HIPK2: variants seen among roughly 807,000 people sequenced by gnomAD.
HIPK2 encodes homeodomain interacting protein kinase 2.
HIPK2 carries 27 observed loss-of-function variants against 113.7 expected under a neutral mutation model. That is an observed-to-expected ratio of 0.24 (90% CI 0.17 to 0.33). HIPK2 has a LOEUF of 0.33. Among genes scored for constraint, HIPK2 ranks in the 10% least tolerant of loss-of-function variants. The probability of loss-of-function intolerance (pLI) is 1.00; values close to 1 mark genes in which losing one functional copy is unlikely to be tolerated. For synonymous variants in HIPK2, 631 were observed against 642.2 expected (o/e 0.98, Z 0.26); for missense variants, 1,257 against 1,588.0 (o/e 0.79, Z 3.54).
intron 7 of HIPK2, among the ~76,000 whole-genome samples, chr7:139,615,091 GGGA>G (rs1799990524): frequency 6.6e-6 from 1 of 152,206 alleles, no homozygotes; most frequent in African/African-American, 2.4e-5. Flanking sequence ...GTCCACATGT[GGGA>G]GGACAAATCC....
Position 139,584,060 on chromosome 7 carries a change from C to T in HIPK2, c.2722G>A (p.Val908Ile). The change falls in exon 13 of 15, where the codon GTC (valine) becomes ATC (isoleucine). Residue 908 changes from valine (V) to isoleucine (I), a missense_variant. Physicochemically the swap from Val to Ile is conservative, Grantham distance 29. Around this residue, in one of 5 missense-constraint regions of HIPK2, gnomAD observed 862 missense variants for 1,004.3 expected, o/e 0.86. Transcript: ENST00000406875. ...ATGACGTTTTTTCTTTGCTTGGAGACAGTGCTGAAAATGCAAAGGGAGAAG... is the reference window on the plus strand; with the variant it reads ...ATGACGTTTTTTCTTTGCTTGGAGATAGTGCTGAAAATGCAAAGGGAGAAG... ...EEQKHAPTST[V>I]SKQRKNVISC... The T allele has an allele frequency of 1.3e-6, 2 of 1,582,508 alleles. No individual in the cohort carries two copies. The highest frequency in any genetic ancestry group is 1.7e-6 in the Non-Finnish European group (2 of 1,162,150).
At chr7:139,606,670 C>A (rs1799627144) in intron 9 of HIPK2, among the ~76,000 whole-genome samples, 2 of 152,222 alleles carry the variant, frequency 1.3e-5, no homozygotes, top group African/African-American at 2.4e-5. Flanking sequence ...AGACAATTCT[C>A]TCTAGGGGAA....
intron 1 of HIPK2, among the ~76,000 whole-genome samples, chr7:139,763,475 C>G (rs1428091130): frequency 1.7e-5 from 2 of 120,560 alleles, no homozygotes; most frequent in East Asian, 2.4e-4. Context: ...GGAACACGCC[C>G]CCCCCCCCAC....
intron 1 of HIPK2, chr7:139,722,082 A>G (rs752716026): frequency 4.6e-5 from 21 of 452,480 alleles, no homozygotes; most frequent in African/African-American, 4.0e-4. Context: ...GGGTTCTTAC[A>G]TGCTTGTTAA....
At chr7:139,634,026 C>A (rs1247817505) in intron 2 of HIPK2, among the ~76,000 whole-genome samples, 1 of 151,228 alleles carries the variant, frequency 6.6e-6, no homozygotes. Context: ...GGGAGGACTG[C>A]TTGAGCCCAG....
In HIPK2 at chr7:139,613,350, AG is replaced by A. The variant is rs3841339; in HGVS notation, c.1991-28del. 2.0e-3 allele frequency: 3,195 copies of A among 1,611,522 alleles called. 85 individuals are homozygous for A. The East Asian group carries it at 0.056, about 28-fold the overall frequency. ...TGTTCCAGACAGTGTGAGGGAGAGA[AG>A]GGTTAGCTGAGACGCTGTGAACAGC... On this transcript the variant is annotated intron_variant, in intron 8 of 14. Transcript: ENST00000406875. The surrounding 1 kb of genome is among the most constrained non-coding windows in gnomAD (Gnocchi z 4.2).
chr7:139,575,400 G>T (rs923462484), intron 13 of HIPK2, 112 bp from the exon 14 acceptor site: 2 of 1,275,674 alleles, frequency 1.6e-6, no homozygotes, highest in Non-Finnish European at 2.1e-6. Context: ...GCCTGAGGCC[G>T]GGCAGTAACA....
At position 139,614,454 on chromosome 7, in the gene HIPK2, G is replaced by C. The variant is rs753260718; in HGVS notation, c.1822C>G (p.Pro608Ala). The C allele has an allele frequency of 6.7e-7, 1 of 1,493,184 alleles. No individual in the cohort carries two copies. The highest frequency in any genetic ancestry group is 1.3e-5 in the South Asian group (1 of 74,204). The allele number at this position is 1,493,184 out of a possible 1,614,324, so 92.5% of individuals were successfully genotyped here. ...GGGTAGTTTAGTATGGAGACTTCGG[G>C]ATTGGCTAAGGAAATAGTGGCACTG... ...STSATISLAN[P>A]EVSILNYPST... The change falls in exon 8 of 15, where the codon CCC becomes GCC. Residue 608 changes from proline to alanine, a missense_variant. By Grantham distance (27) the Pro-to-Ala change is conservative. Transcript: ENST00000406875.
rs867079997 is a variant in HIPK2 at position 139,777,949 on chromosome 7, G to T, written c.-326C>A. Reference sequence around the variant, plus strand: ...CCCCCGAGCGGATCCGCGGAGGGGCGGGAGCCGGGGGCAGCGCGCGGCCAG... The same window carrying T: ...CCCCCGAGCGGATCCGCGGAGGGGCTGGAGCCGGGGGCAGCGCGCGGCCAG... On this transcript the variant is annotated 5_prime_UTR_variant, in exon 1 of 15. Coordinates refer to ENST00000406875, the MANE Select transcript of HIPK2 (RefSeq NM_022740.5). Among the ~76,000 whole-genome samples the T allele has an allele frequency of 2.6e-3, 378 of 145,244 alleles. 2 individuals carry two copies. Among genetic ancestry groups the T allele is most frequent in the African/African-American group, 6.5e-3 (264 of 40,480 alleles).
At position 139,630,510 on chromosome 7, in the gene HIPK2, G is replaced by A. The variant is rs1256873779; in HGVS notation, c.1347+655C>T. 1.3e-5 allele frequency among the ~76,000 whole-genome samples: 2 copies of A among 152,354 alleles called. No individual in the cohort carries two copies. The highest frequency in any genetic ancestry group is 4.8e-5 in the African/African-American group (2 of 41,582). ...CCTCCCAGGTGCAAGTGATTCACGT[G>A]CCTCAGCTTCCTGAGTAGGTGGGAT... is the stretch of plus-strand genomic sequence containing the variant. On this transcript the variant is annotated intron_variant, in intron 4 of 14. Coordinates refer to ENST00000406875, the MANE Select transcript of HIPK2 (RefSeq NM_022740.5). The surrounding 1 kb of genome is among the most constrained non-coding windows in gnomAD (Gnocchi z 4.0).
chr7:139,603,953 G>A lies in HIPK2; in HGVS notation c.2255+128C>T, dbSNP rs1182748517. 2.4e-6 allele frequency: 3 copies of A among 1,239,696 alleles called. No individual in the cohort carries two copies. The African/African-American group carries it at 4.5e-5, about 19-fold the overall frequency. The allele number at this position is 1,239,696 out of a possible 1,614,324, so 76.8% of individuals were successfully genotyped here. A position where few individuals can be genotyped will look rare whatever the true frequency, so the allele number is the denominator to read the frequency against. On this transcript the variant is annotated intron_variant, in intron 10 of 14. Transcript: ENST00000406875. Reference sequence around the variant, plus strand: ...ACTCATAGTCCACACAATATTTTTAGAAGCTTTAAAAAGCTCTCTACAAAC... The same window carrying A: ...ACTCATAGTCCACACAATATTTTTAAAAGCTTTAAAAAGCTCTCTACAAAC...
Position 139,596,874 on chromosome 7 carries a change from A to G in HIPK2, c.2560T>C (p.Ser854Pro). 1 of 1,613,862 alleles carries G rather than the reference A, an allele frequency of 6.2e-7. No individual in the cohort carries two copies. The highest frequency in any genetic ancestry group is 8.5e-7 in the Non-Finnish European group (1 of 1,179,860). The change falls in exon 12 of 15, where the codon TCG becomes CCG. Residue 854 changes from serine to proline, a missense_variant. Ser to Pro is a moderately conservative substitution (Grantham distance 74, BLOSUM62 -1). Transcript: ENST00000406875. ...ACGTCGCCCCACCCACAGGTGACCG[A>G]GGTGCTGCAGGCCGGGCTACTGTGC... ...MVHSSPACSTSVTCGWGDVAS... is the reference protein window; with the variant it reads ...MVHSSPACSTPVTCGWGDVAS...
At chr7:139,707,654 C>A (rs889695587) in intron 2 of HIPK2, among the ~76,000 whole-genome samples, 2 of 152,198 alleles carry the variant, frequency 1.3e-5, no homozygotes, top group African/African-American at 2.4e-5. Flanking sequence ...ACAGATACTG[C>A]AGAGCCGAGG....
At chr7:139,664,739 C>T (rs1402327338) in intron 2 of HIPK2, among the ~76,000 whole-genome samples, 2 of 152,164 alleles carry the variant, frequency 1.3e-5, no homozygotes, top group Admixed American at 6.5e-5. Flanking sequence ...TTCTCACTCT[C>T]CACCATTAAC....
intron 4 of HIPK2, 125 bp from the exon 5 acceptor site, chr7:139,629,164 T>C (rs545936959): frequency 1.4e-6 from 1 of 718,310 alleles, no homozygotes; most frequent in South Asian, 1.7e-5. Context: ...ATTTTGATTC[T>C]TCAATGACCT....
At chr7:139,623,847 C>T (rs985374902) in intron 6 of HIPK2, among the ~76,000 whole-genome samples, 9 of 152,122 alleles carry the variant, frequency 5.9e-5, no homozygotes, top group Non-Finnish European at 1.0e-4. Context: ...CATCTCCAGG[C>T]TCTTCTCACA....
chr7:139,715,018 C>G (rs1428172575), intron 2 of HIPK2, among the ~76,000 whole-genome samples: 7 of 152,214 alleles, frequency 4.6e-5, no homozygotes, highest in Non-Finnish European at 1.0e-4. Flanking sequence ...CAGGTTCACT[C>G]TGGCCTTTCC....
At chr7:139,574,543 T>C (rs932507865) in intron 14 of HIPK2, among the ~76,000 whole-genome samples, 2 of 152,184 alleles carry the variant, frequency 1.3e-5, no homozygotes, top group African/African-American at 4.8e-5. Flanking sequence ...AAACACCCCA[T>C]TTATCTCACT....
chr7:139,761,939 C>G (rs1299217035), intron 1 of HIPK2, among the ~76,000 whole-genome samples: 3 of 148,690 alleles, frequency 2.0e-5, no homozygotes, highest in African/African-American at 4.9e-5. Flanking sequence ...TGGACAGAGA[C>G]AGAGAGAGAG....
Sources: gnomAD v4.1 joint callset for allele counts (sites outside exome capture counted in the v4.1 genomes callset) on GRCh38, gnomAD v4.1.1 for gene constraint, gnomAD v4.1.1 regional missense constraint, Gnocchi (gnomAD v3.1) non-coding constraint, MANE v1.5 for transcripts, NCBI Gene and HGNC (gene_info 2026-07-23, HGNC 2026-07-21) for gene names.